The following NUP93 variants were observed in gnomAD, a reference collection of about 807,000 sequenced individuals.
NUP93 encodes the protein nucleoporin 93.
NUP93 carries 55 observed loss-of-function variants against 107.8 expected under a neutral mutation model. The ratio of observed to expected loss-of-function variants is 0.51; its 90% CI spans 0.41 to 0.64. The LOEUF (loss-of-function observed/expected upper bound fraction) is 0.64. Ranked by LOEUF, NUP93 falls within the 30% of genes least tolerant of loss-of-function variation. NUP93 has a pLI of 0.00. For missense variants in NUP93, 937 were observed against 1,044.7 expected (o/e 0.90, Z 1.42); for synonymous variants, 390 against 397.5 (o/e 0.98, Z 0.22).
chr16:56,783,867 T>A, intron 3 of NUP93: 10 of 985,446 alleles, frequency 1.0e-5, no homozygotes, highest in Non-Finnish European at 1.2e-5. Flanking sequence ...AATTCTTTTG[T>A]CTACAGTAAG....
At chr16:56,783,594 C>T in intron 3 of NUP93, 1 of 985,400 alleles carries the variant, frequency 1.0e-6, no homozygotes, top group South Asian at 4.7e-5. Context: ...AATTATTTCC[C>T]TTTGTCTGAA....
At chr16:56,823,636 G>C (rs1429409185) in intron 7 of NUP93, 71 bp from the exon 8 acceptor site, 2 of 1,561,884 alleles carry the variant, frequency 1.3e-6, no homozygotes, top group Admixed American at 1.7e-5. Flanking sequence ...TTGGAGGTCA[G>C]AGTGCCACAA....
Position 56,830,624 on chromosome 16 carries a change from C to T in NUP93, c.1024C>T (p.Gln342Ter). 1.2e-6 allele frequency: 2 copies of T among 1,610,012 alleles called. No individual in the cohort carries two copies. The highest frequency in any genetic ancestry group is 1.7e-6 in the Non-Finnish European group (2 of 1,176,654). ...CGCTTCACAGGTAGTTAATCGAGCCCAGCACCAGCTGGGAGAGTTTAAAAC... is the reference window on the plus strand; with the variant it reads ...CGCTTCACAGGTAGTTAATCGAGCCTAGCACCAGCTGGGAGAGTTTAAAAC... ...LAASQVVNRAQHQLGEFKTWF... is the reference protein window; with the variant it reads ...LAASQVVNRA Residue 342 changes from glutamine (Q) to a stop codon, truncating the protein, a stop_gained, in exon 10 of 22, where the codon CAG becomes TAG. Transcript: ENST00000308159. LOFTEE classifies it high-confidence loss of function.
intron 3 of NUP93, among the ~76,000 whole-genome samples, chr16:56,779,621 T>G (rs1172510915): frequency 6.6e-6 from 1 of 152,200 alleles, no homozygotes; most frequent in African/African-American, 2.4e-5. Context: ...ACACTTCTGC[T>G]CAGAGGTCCT....
At chr16:56,766,212 C>T (rs1405876229) in intron 3 of NUP93, among the ~76,000 whole-genome samples, 3 of 152,156 alleles carry the variant, frequency 2.0e-5, no homozygotes, top group African/African-American at 7.2e-5. Context: ...AAGAGAGTAT[C>T]AATTACCAAC....
At chr16:56,766,360 C>T (rs1022958018) in intron 3 of NUP93, among the ~76,000 whole-genome samples, 66 of 152,236 alleles carry the variant, frequency 4.3e-4, no homozygotes, top group African/African-American at 1.5e-3. Context: ...TGAGTCGTCC[C>T]CTCCCTCCTT....
chr16:56,736,717 C>G (rs1370768692), intron 1 of NUP93, among the ~76,000 whole-genome samples: 1 of 152,184 alleles, frequency 6.6e-6, no homozygotes, highest in African/African-American at 2.4e-5. Context: ...TGCCTGGAAA[C>G]TCACGGTTGG....
chr16:56,738,181 C>A (rs1187556504), intron 1 of NUP93, among the ~76,000 whole-genome samples: 1 of 152,226 alleles, frequency 6.6e-6, no homozygotes, highest in Non-Finnish European at 1.5e-5. Flanking sequence ...ACCTGAGCAA[C>A]CCCCTCATCC....
intron 21 of NUP93, 141 bp downstream of exon 21, chr16:56,841,974 G>C: frequency 1.0e-6 from 1 of 956,226 alleles, no homozygotes; most frequent in Non-Finnish European, 1.5e-6. Flanking sequence ...CGTGTTAGGA[G>C]GCTCCCAGAG....
chr16:56,779,843 T>C (rs1962480670), intron 3 of NUP93, among the ~76,000 whole-genome samples: 2 of 152,192 alleles, frequency 1.3e-5, no homozygotes, highest in African/African-American at 2.4e-5. Context: ...GAGGGTTTTC[T>C]TACTCCCCTG....
In NUP93 at chr16:56,772,203, A is replaced by C. The variant is rs1008452457; in HGVS notation, c.297+13548A>C. 5.9e-5 allele frequency among the ~76,000 whole-genome samples: 9 copies of C among 152,288 alleles called. No individual in the cohort carries two copies. The East Asian group carries it at 1.4e-3, about 23-fold the overall frequency. ...CGGTATTGAGGGCAGAAAAAGGATA[A>C]AGAACATGGTTGGGTAGAATTTTTT... On this transcript the variant is annotated intron_variant, in intron 3 of 21. Transcript: ENST00000308159.
chr16:56,778,989 G>A (rs1962465280), intron 3 of NUP93, among the ~76,000 whole-genome samples: 1 of 152,124 alleles, frequency 6.6e-6, no homozygotes, highest in Admixed American at 6.6e-5. Context: ...GGGTGGAAAG[G>A]GAGCAGGGAC....
At chr16:56,815,899 G>GC (rs1555495759) in intron 5 of NUP93, among the ~76,000 whole-genome samples, 25 of 96,026 alleles carry the variant, frequency 2.6e-4, no homozygotes, top group East Asian at 5.0e-4. Context: ...GCTGCTGCTG[G>GC]TGCTGCTGCT....
rs1690290416 is a variant in NUP93 at position 56,839,568 on chromosome 16, A to C, written c.2184A>C (p.Glu728Asp). ...KLVPLNQESV[E>D]ERVAAFRNFS... The stretch of plus-strand genomic sequence containing the variant: ...TGCCCCTGAATCAGGAAAGTGTGGA[A>C]GAGAGAGTGGCTGCCTTCAGAAATT... The change falls in exon 20 of 22, where the codon GAA (glutamate) becomes GAC (aspartate). Residue 728 changes from glutamate to aspartate, a missense_variant. Glu to Asp is a conservative substitution (Grantham distance 45). Transcript: ENST00000308159. The C allele has an allele frequency of 6.2e-7, 1 of 1,613,948 alleles. No homozygotes were observed. The highest frequency in any genetic ancestry group is 8.5e-7 in the Non-Finnish European group (1 of 1,179,980).
intron 5 of NUP93, among the ~76,000 whole-genome samples, chr16:56,806,054 A>G (rs1468375642): frequency 4.0e-5 from 6 of 148,756 alleles, no homozygotes; most frequent in Non-Finnish European, 7.4e-5. Flanking sequence ...TAATTTATCT[A>G]GTTGCCTTCT....
At chr16:56,841,945 C>G in intron 21 of NUP93, 112 bp downstream of exon 21, 2 of 1,286,758 alleles carry the variant, frequency 1.6e-6, no homozygotes, top group Non-Finnish European at 1.1e-6. Flanking sequence ...TCCTCAGTAC[C>G]TGGCAGCTGG....
chr16:56,756,398 G>T (rs1311716042), intron 2 of NUP93, among the ~76,000 whole-genome samples: 1 of 145,434 alleles, frequency 6.9e-6, no homozygotes, highest in Non-Finnish European at 1.5e-5. Context: ...GCAGTGTTTG[G>T]TTTTGTGTTC....
chr16:56,745,924 G>A (rs1043240038), intron 1 of NUP93, among the ~76,000 whole-genome samples: 1 of 152,122 alleles, frequency 6.6e-6, no homozygotes, highest in African/African-American at 2.4e-5. Context: ...TTGGGGGTGG[G>A]CTGGTCATTT....
chr16:56,752,908 C>T (rs1166486715), intron 2 of NUP93, among the ~76,000 whole-genome samples: 1 of 152,124 alleles, frequency 6.6e-6, no homozygotes, highest in South Asian at 2.1e-4. Context: ...GTGAAAAGAA[C>T]AGTCTTTTCA....
Sources: gnomAD v4.1 joint callset for allele counts (sites outside exome capture counted in the v4.1 genomes callset) on GRCh38, gnomAD v4.1.1 for gene constraint, MANE v1.5 for transcripts, NCBI Gene and HGNC (gene_info 2026-07-23, HGNC 2026-07-21) for gene names.